The following PDE4D variants were observed in gnomAD, a reference collection of about 807,000 sequenced individuals.
The protein encoded by PDE4D is phosphodiesterase 4D, also known as 3',5'-cyclic-AMP phosphodiesterase 4D.
Under a neutral mutation model 87.4 loss-of-function variants are expected in PDE4D, and 24 were observed. That is an observed-to-expected ratio of 0.27 (90% CI 0.20 to 0.39). The LOEUF (loss-of-function observed/expected upper bound fraction) is 0.39. Among genes scored for constraint, PDE4D ranks in the 10% least tolerant of loss-of-function variants. The pLI is 1.00. For missense variants in PDE4D, 714 were observed against 1,041.0 expected (o/e 0.69, Z 4.32); for synonymous variants, 384 against 383.2 (o/e 1.00, Z -0.02).
chr5:59,321,821 G>C (rs922352357), intron 1 of PDE4D, among the ~76,000 whole-genome samples: 30 of 152,048 alleles, frequency 2.0e-4, no homozygotes, highest in Admixed American at 7.2e-4. Context: ...CCATGTCACC[G>C]GTCCCTCTTA....
intron 1 of PDE4D, among the ~76,000 whole-genome samples, chr5:59,308,588 G>A (rs1771896781): frequency 6.6e-6 from 1 of 151,948 alleles, no homozygotes; most frequent in Non-Finnish European, 1.5e-5. Context: ...TAGGCTTTCT[G>A]CTGAGAAATC....
At chr5:60,200,497 A>C (rs1253190030) in intron 1 of PDE4D, among the ~76,000 whole-genome samples, 1 of 152,038 alleles carries the variant, frequency 6.6e-6, no homozygotes, top group East Asian at 1.9e-4. Flanking sequence ...TAATGGGAAC[A>C]ATGGCTCTAC....
chr5:60,304,342 G>T (rs549280262), intron 1 of PDE4D, among the ~76,000 whole-genome samples: 1 of 152,274 alleles, frequency 6.6e-6, no homozygotes, highest in East Asian at 1.9e-4. Context: ...AGAGCCTTTG[G>T]TTGATGAAAT....
chr5:60,182,407 C>G (rs1355282120), intron 2 of PDE4D, among the ~76,000 whole-genome samples: 1 of 152,208 alleles, frequency 6.6e-6, no homozygotes, highest in Non-Finnish European at 1.5e-5. Context: ...AATCAATCAT[C>G]CCTTAAGAAT....
intron 1 of PDE4D, among the ~76,000 whole-genome samples, chr5:59,721,027 A>G (rs2150557225): frequency 6.6e-6 from 1 of 152,304 alleles, no homozygotes; most frequent in South Asian, 2.1e-4. Flanking sequence ...ACCTTAAAGA[A>G]ACTGTTATAG....
chr5:59,097,534 GC>G (rs1769967781), intron 5 of PDE4D, among the ~76,000 whole-genome samples: 1 of 152,114 alleles, frequency 6.6e-6, no homozygotes, highest in Non-Finnish European at 1.5e-5. Flanking sequence ...ACCATAACTT[GC>G]CAATTAAAAT....
intron 1 of PDE4D, among the ~76,000 whole-genome samples, chr5:60,294,080 C>T (rs1305779752): frequency 6.6e-6 from 1 of 152,094 alleles, no homozygotes; most frequent in Non-Finnish European, 1.5e-5. Context: ...GTTCTAACTC[C>T]TCACCAGTAT....
chr5:59,796,156 G>A (rs1185654199), intron 1 of PDE4D, among the ~76,000 whole-genome samples: 1 of 152,192 alleles, frequency 6.6e-6, no homozygotes, highest in Non-Finnish European at 1.5e-5. Context: ...CAGGCTTTTA[G>A]TCAAAAGATC....
intron 1 of PDE4D, among the ~76,000 whole-genome samples, chr5:60,305,063 ACAC>A (rs771491840): frequency 1.9e-3 from 268 of 138,650 alleles, no homozygotes; most frequent in Admixed American, 4.7e-3. Context: ...ACACACACAC[ACAC>A]ACACAACACA....
intron 1 of PDE4D, among the ~76,000 whole-genome samples, chr5:59,762,158 G>A (rs958041021): frequency 9.9e-5 from 15 of 151,216 alleles, no homozygotes; most frequent in Non-Finnish European, 1.6e-4. Flanking sequence ...GTGTGTGTGT[G>A]TATATATAGG....
chr5:59,200,749 A>C (rs1162203246), intron 2 of PDE4D, among the ~76,000 whole-genome samples: 1 of 151,036 alleles, frequency 6.6e-6, no homozygotes, highest in African/African-American at 2.4e-5. Flanking sequence ...ATACATACAC[A>C]CATATGAAGT....
In PDE4D at chr5:59,426,998, T is replaced by TAC. The variant is rs3061709; in HGVS notation, c.456-211032_456-211031dup. ...TCCTCCTTTCTACAACTTGAAGCTA[T>TAC]ACACACACACACACACACACACACA... On this transcript the variant is annotated intron_variant, in intron 1 of 14. Transcript: ENST00000340635. Among the ~76,000 whole-genome samples, 1,016 of 125,158 alleles carry TAC rather than the reference T, an allele frequency of 8.1e-3. 5 individuals carry two copies. The highest frequency in any genetic ancestry group is 0.026 in the East Asian group (98 of 3,790). The allele number at this position is 125,158 out of a possible 152,430, so 82.1% of individuals were successfully genotyped here. A position where few individuals can be genotyped will look rare whatever the true frequency, so the allele number is the denominator to read the frequency against.
intron 1 of PDE4D, among the ~76,000 whole-genome samples, chr5:59,395,525 T>C (rs1440748491): frequency 6.6e-6 from 1 of 151,786 alleles, no homozygotes; most frequent in Non-Finnish European, 1.5e-5. Context: ...GAGGGTCCTG[T>C]CTGTTAGAAG....
At chr5:59,938,535 A>G (rs183343840) in intron 3 of PDE4D, among the ~76,000 whole-genome samples, 1 of 152,176 alleles carries the variant, frequency 6.6e-6, no homozygotes, top group South Asian at 2.1e-4. Context: ...ATATTTCTAC[A>G]TTATAGGCCA....
chr5:59,112,463 C>T (rs1772836008), intron 5 of PDE4D, among the ~76,000 whole-genome samples: 1 of 152,158 alleles, frequency 6.6e-6, no homozygotes, highest in African/African-American at 2.4e-5. Context: ...GATGCAGGGT[C>T]TCCTATTAGA....
At chr5:60,233,179 T>TCACACACACACACACATA (rs1359126011) in intron 1 of PDE4D, among the ~76,000 whole-genome samples, 1 of 148,194 alleles carries the variant, frequency 6.7e-6, no homozygotes, top group Non-Finnish European at 1.5e-5. Flanking sequence ...GAGGTCGTTG[T>TCACACACACACACACATA]CACACACACA....
intron 1 of PDE4D, among the ~76,000 whole-genome samples, chr5:60,407,523 G>C (rs539894157): frequency 1.5e-5 from 2 of 131,564 alleles, no homozygotes; most frequent in African/African-American, 6.2e-5. Context: ...GCACGATCTC[G>C]GCTCACTGCA....
At chr5:59,806,442 ATGT>A (rs1327868217) in intron 1 of PDE4D, among the ~76,000 whole-genome samples, 1 of 152,206 alleles carries the variant, frequency 6.6e-6, no homozygotes. Flanking sequence ...GCCAAAAACA[ATGT>A]TGTTTTTAGA....
At chr5:59,932,891 A>T (rs1195812445) in intron 3 of PDE4D, among the ~76,000 whole-genome samples, 1 of 152,176 alleles carries the variant, frequency 6.6e-6, no homozygotes, top group African/African-American at 2.4e-5. Context: ...ACATAAGGAA[A>T]ATTTCTACAT....
Sources: allele counts gnomAD v4.1 joint callset (sites outside exome capture counted in the v4.1 genomes callset), GRCh38; gene constraint gnomAD v4.1.1; transcripts MANE v1.5; gene names NCBI Gene and HGNC (gene_info 2026-07-23, HGNC 2026-07-21).